The following CEP57 variants were observed in gnomAD, a reference collection of about 807,000 sequenced individuals.
The protein encoded by CEP57 is centrosomal protein of 57 kDa.
A neutral mutation model predicts 68.0 loss-of-function variants in CEP57; 40 were observed. The ratio of observed to expected loss-of-function variants is 0.59; its 90% CI spans 0.46 to 0.77. The LOEUF (loss-of-function observed/expected upper bound fraction) is 0.77, where lower values mean the gene tolerates loss of function less well. Among genes scored for constraint, CEP57 ranks in the 30% least tolerant of loss-of-function variants. The probability of loss-of-function intolerance (pLI) is 0.00; values close to 1 mark genes in which losing one functional copy is unlikely to be tolerated. For missense variants in CEP57, 606 were observed against 580.7 expected, an observed-to-expected ratio of 1.04 and a Z score of -0.45; for synonymous variants, 219 against 198.7, an observed-to-expected ratio of 1.10 and a Z score of -0.86.
At chr11:95,799,830 T>G (rs1445070066) in intron 2 of CEP57, among the ~76,000 whole-genome samples, 2 of 152,216 alleles carry the variant, frequency 1.3e-5, no homozygotes, top group Non-Finnish European at 2.9e-5. Context: ...TCATTTGTCA[T>G]TATCCATCAT....
rs376285490 is a variant in CEP57 at position 95,831,148 on chromosome 11, T to C, written c.1395T>C (p.Phe465=). 3 of 1,613,444 alleles carry C rather than the reference T, an allele frequency of 1.9e-6. No homozygotes were observed. Among genetic ancestry groups the C allele is most frequent in the Non-Finnish European group, 2.5e-6 (3 of 1,179,648 alleles). Residue 465 remains phenylalanine, a synonymous_variant, in exon 11 of 11, where the codon TTT becomes TTC. Transcript: ENST00000325542. ...CAGGGACCACAAATAAGAAAGATTTTATGAAACTGAGACCTGGAGAAAAAA... is the reference window on the plus strand; with the variant it reads ...CAGGGACCACAAATAAGAAAGATTTCATGAAACTGAGACCTGGAGAAAAAA... ...GITGTTNKKD[F]MKLRPGEKRR...
chr11:95,794,863 A>G (rs1861273498), intron 1 of CEP57, among the ~76,000 whole-genome samples: 1 of 152,064 alleles, frequency 6.6e-6, no homozygotes, highest in South Asian at 2.1e-4. Context: ...ATGCTGTGAG[A>G]TAGGGATCCA....
chr11:95,802,298 A>G (rs1044267697), intron 2 of CEP57, among the ~76,000 whole-genome samples: 4 of 145,080 alleles, frequency 2.8e-5, no homozygotes, highest in African/African-American at 1.0e-4. Flanking sequence ...TCTGTCACCC[A>G]GGCTGGAGTG....
rs185818407 is a variant in CEP57, at chr11:95,804,005, A to G, written c.202+4617A>G. ...AAACAGTTCCAAAGATGTGTGCTAT[A>G]CTTCATATAGCAAAATAAAAGAAAA... On this transcript the variant is annotated intron_variant, in intron 2 of 10. Transcript: ENST00000325542. 2.4e-3 allele frequency among the ~76,000 whole-genome samples: 373 copies of G among 152,310 alleles called. 1 individual carries two copies. Among genetic ancestry groups the G allele is most frequent in the Middle Eastern group, 0.024 (7 of 294 alleles).
intron 2 of CEP57, among the ~76,000 whole-genome samples, chr11:95,799,870 T>A (rs559022701): frequency 1.3e-5 from 2 of 152,308 alleles, no homozygotes; most frequent in Admixed American, 1.3e-4. Context: ...CTTTAGCATC[T>A]CTTCATAGCT....
intron 4 of CEP57, among the ~76,000 whole-genome samples, chr11:95,814,207 G>A (rs956153334): frequency 2.7e-5 from 4 of 148,324 alleles, no homozygotes; most frequent in Admixed American, 6.7e-5. Context: ...CGCATGCCAC[G>A]ATGCCCAGCT....
chr11:95,793,105 C>A (rs893735215), intron 1 of CEP57, among the ~76,000 whole-genome samples: 6 of 152,144 alleles, frequency 3.9e-5, no homozygotes, highest in Admixed American at 6.5e-5. Context: ...CAAGTAGATT[C>A]ATAAATAACC....
Position 95,829,250 on chromosome 11 carries a change from G to A in CEP57, c.1191G>A (p.Leu397=), listed in dbSNP as rs777188045. The change falls in exon 10 of 11, where the codon TTG becomes TTA. Residue 397 remains leucine (L), a synonymous_variant. Transcript: ENST00000325542. Reference sequence around the variant, plus strand: ...CAACCGTTGAACTGAAAGACAAGTTGGAGTGTGAATTGGAGGCATTAGTGG... The same window carrying A: ...CAACCGTTGAACTGAAAGACAAGTTAGAGTGTGAATTGGAGGCATTAGTGG... The part of the protein sequence containing the change: ...ESPTVELKDK[L]ECELEALVGR... 1 of 1,613,988 alleles carries A rather than the reference G, an allele frequency of 6.2e-7. No homozygotes were observed. Among genetic ancestry groups the A allele is most frequent in the Admixed American group, 1.7e-5 (1 of 59,998 alleles).
intron 8 of CEP57, 144 bp downstream of exon 8, chr11:95,822,720 T>A (rs1210764070): frequency 1.1e-5 from 5 of 443,456 alleles, no homozygotes; most frequent in Non-Finnish European, 2.2e-5. Context: ...GAAAATGAGA[T>A]GTAGGGAGGT....
chr11:95,806,684 G>T (rs558252632), intron 2 of CEP57, among the ~76,000 whole-genome samples: 1 of 152,184 alleles, frequency 6.6e-6, no homozygotes, highest in African/African-American at 2.4e-5. Flanking sequence ...AGGGGCATCC[G>T]CAATTGCTGA....
Position 95,822,355 on chromosome 11 carries a change from G to A in CEP57, c.808-144G>A. The A allele has an allele frequency of 4.4e-6, 3 of 679,252 alleles. 1 individual carries two copies. Among genetic ancestry groups the A allele is most frequent in the South Asian group, 1.7e-5 (1 of 59,708 alleles). The allele number at this position is 679,252 out of a possible 1,614,324, so 42.1% of individuals were successfully genotyped here. A position where few individuals can be genotyped will look rare whatever the true frequency, so the allele number is the denominator to read the frequency against. The stretch of plus-strand genomic sequence containing the variant: ...GATATATGCTAACAAGTACTATTAG[G>A]AGCTGGCTTGTGATCATAATGCCAA... On this transcript the variant is annotated intron_variant, in intron 7 of 10. Transcript: ENST00000325542.
intron 2 of CEP57, among the ~76,000 whole-genome samples, chr11:95,807,680 A>G (rs1050389944): frequency 2.6e-5 from 4 of 152,226 alleles, no homozygotes; most frequent in Non-Finnish European, 4.4e-5. Flanking sequence ...AAAAGAGTAA[A>G]AAGAAATGAA....
intron 1 of CEP57, among the ~76,000 whole-genome samples, chr11:95,798,020 C>G (rs978307049): frequency 3.9e-5 from 6 of 152,156 alleles, no homozygotes; most frequent in Non-Finnish European, 8.8e-5. Flanking sequence ...ATCCTATTTT[C>G]CAGTTACCTG....
chr11:95,807,795 T>G (rs916135570), intron 2 of CEP57, among the ~76,000 whole-genome samples: 6 of 152,136 alleles, frequency 3.9e-5, no homozygotes, highest in African/African-American at 7.2e-5. Context: ...AAAACACTCT[T>G]CAGGATATTA....
chr11:95,799,291 A>G lies in CEP57; in HGVS notation c.105A>G (p.Pro35=), dbSNP rs776295435. The change falls in exon 2 of 11, where the codon CCA becomes CCG. Residue 35 remains proline, a synonymous_variant. Coordinates refer to ENST00000325542, the MANE Select transcript of CEP57 (RefSeq NM_014679.5). ...GCATGGTTCGGCATTCTTCATCTCCATATGTAGTATATCCTTCGGATAAGC... is the reference window on the plus strand; with the variant it reads ...GCATGGTTCGGCATTCTTCATCTCCGTATGTAGTATATCCTTCGGATAAGC... ...NGSMVRHSSS[P]YVVYPSDKPF... 1.2e-6 allele frequency: 2 copies of G among 1,614,112 alleles called. No individual in the cohort carries two copies. Among genetic ancestry groups the G allele is most frequent in the East Asian group, 2.2e-5 (1 of 44,874 alleles).
At position 95,813,492 on chromosome 11, in the gene CEP57, C is replaced by A; in HGVS notation, c.407C>A (p.Ala136Glu). The change falls in exon 4 of 11, where the codon GCA becomes GAA. Residue 136 changes from alanine to glutamate, a missense_variant. Physicochemically the swap from Ala to Glu is moderately radical, Grantham distance 107. Coordinates refer to ENST00000325542, the MANE Select transcript of CEP57 (RefSeq NM_014679.5). ...GAACTGACATCTCAGTTGTTAGCTG[C>A]AGAAAATAAATGCAATCTATTAGAA... ...NQELTSQLLA[A>E]ENKCNLLEKQ... The A allele has an allele frequency of 6.2e-7, 1 of 1,612,386 alleles. No individual in the cohort carries two copies. The highest frequency in any genetic ancestry group is 8.5e-7 in the Non-Finnish European group (1 of 1,179,742).
chr11:95,794,910 A>C (rs1049323481), intron 1 of CEP57, among the ~76,000 whole-genome samples: 1 of 152,200 alleles, frequency 6.6e-6, no homozygotes, highest in African/African-American at 2.4e-5. Context: ...AATTGTCCCC[A>C]CACTACTTGT....
intron 7 of CEP57, 154 bp from the exon 8 acceptor site, chr11:95,822,345 G>A: frequency 1.5e-6 from 1 of 655,274 alleles, no homozygotes; most frequent in South Asian, 1.8e-5. Context: ...ATGCTAACAA[G>A]TACTATTAGG....
At chr11:95,791,309 T>A (rs1861061641) in intron 1 of CEP57, among the ~76,000 whole-genome samples, 1 of 152,170 alleles carries the variant, frequency 6.6e-6, no homozygotes, top group Non-Finnish European at 1.5e-5. Flanking sequence ...GGAACTTCAA[T>A]GTGGAAATGC....
Sources: allele counts gnomAD v4.1 joint callset (sites outside exome capture counted in the v4.1 genomes callset), GRCh38; gene constraint gnomAD v4.1.1; transcripts MANE v1.5; gene names NCBI Gene and HGNC (gene_info 2026-07-23, HGNC 2026-07-21).